HYDIN: variants seen among roughly 807,000 people sequenced by gnomAD.
HYDIN encodes axonemal central pair apparatus protein HYDIN.
HYDIN carries 132 observed loss-of-function variants against 403.9 expected under a neutral mutation model. The observed-to-expected ratio is 0.33, with a 90% CI of 0.28 to 0.38. The LOEUF (loss-of-function observed/expected upper bound fraction) is 0.38. Ranked by LOEUF, HYDIN falls within the 10% of genes least tolerant of loss-of-function variation. The pLI is 1.00. For synonymous variants in HYDIN, 1,202 were observed against 1,891.7 expected, an observed-to-expected ratio of 0.64 and a Z score of 9.46; for missense variants, 2,827 against 5,009.5, an observed-to-expected ratio of 0.56 and a Z score of 13.15.
At chr16:71,136,786 AAAAC>A (rs1456532960) in intron 8 of HYDIN, among the ~76,000 whole-genome samples, 6 of 151,550 alleles carry the variant, frequency 4.0e-5, no homozygotes, top group Non-Finnish European at 5.9e-5. Flanking sequence ...AAAAACAAAA[AAAAC>A]AAAAAAAAAA....
chr16:71,217,507 G>A (rs2088950151), intron 1 of HYDIN, among the ~76,000 whole-genome samples: 1 of 152,088 alleles, frequency 6.6e-6, no homozygotes. Context: ...ATCCACGAGT[G>A]GTGACCTCAA....
intron 29 of HYDIN, 70 bp from the exon 30 acceptor site, chr16:70,979,111 G>A (rs2078971030): frequency 2.3e-6 from 3 of 1,322,886 alleles, no homozygotes; most frequent in Non-Finnish European, 2.1e-6. Flanking sequence ...TATGAATGAT[G>A]TCGCAAACAC....
rs1028960236 is a variant in HYDIN, at chr16:71,161,555, C to T, written c.716+976G>A. Among the ~76,000 whole-genome samples, 6 of 152,290 alleles carry T rather than the reference C, an allele frequency of 3.9e-5. No homozygotes were observed. The South Asian group carries it at 6.2e-4, about 16-fold the overall frequency. On this transcript the variant is annotated intron_variant, in intron 6 of 85. Coordinates refer to ENST00000393567, the MANE Select transcript of HYDIN (RefSeq NM_001270974.2). Reference sequence around the variant, plus strand: ...GAAATGATGTGACCTCTCTATCCCTCGGTTTTCTCATCCTCCAAAGCCAGC... The same window carrying T: ...GAAATGATGTGACCTCTCTATCCCTTGGTTTTCTCATCCTCCAAAGCCAGC...
intron 12 of HYDIN, among the ~76,000 whole-genome samples, chr16:71,086,159 T>C (rs2082924710): frequency 6.6e-6 from 1 of 151,996 alleles, no homozygotes; most frequent in Non-Finnish European, 1.5e-5. Context: ...ACTGTATTTT[T>C]AAGTTTCTTT....
intron 6 of HYDIN, among the ~76,000 whole-genome samples, chr16:71,159,800 C>T (rs569489907): frequency 1.4e-3 from 216 of 151,844 alleles, no homozygotes; most frequent in African/African-American, 5.1e-3. Context: ...AATTGTTGGC[C>T]CAGAATTCTA....
intron 1 of HYDIN, among the ~76,000 whole-genome samples, chr16:71,215,213 AGAAG>A (rs2088817599): frequency 6.6e-6 from 1 of 152,004 alleles, no homozygotes; most frequent in Non-Finnish European, 1.5e-5. Context: ...AAGCAAGGAA[AGAAG>A]GGAGGAAGGG....
chr16:70,889,749 G>C (rs1231469433), intron 57 of HYDIN, 45 bp from the exon 58 acceptor site: 2 of 637,580 alleles, frequency 3.1e-6, no homozygotes, highest in Non-Finnish European at 5.6e-6. Context: ...TGGGGTCGGG[G>C]GTAACATTAG....
chr16:71,096,527 G>A (rs1276488249), intron 10 of HYDIN, among the ~76,000 whole-genome samples: 1 of 151,838 alleles, frequency 6.6e-6, no homozygotes, highest in Non-Finnish European at 1.5e-5. Flanking sequence ...GCATGCTTCA[G>A]TATTTTCAGA....
chr16:71,229,756 C>T (rs182238782), intron 1 of HYDIN, among the ~76,000 whole-genome samples: 1 of 152,310 alleles, frequency 6.6e-6, no homozygotes, highest in East Asian at 1.9e-4. Flanking sequence ...GGGGCATTGA[C>T]TACAATGAGG....
At chr16:70,946,279 T>C (rs2077857988) in intron 41 of HYDIN, among the ~76,000 whole-genome samples, 2 of 142,622 alleles carry the variant, frequency 1.4e-5, no homozygotes, top group Admixed American at 7.2e-5. Flanking sequence ...TTGCTGCAGC[T>C]TTCTTGGTGA....
At chr16:71,171,775 T>A (rs993981121) in intron 5 of HYDIN, among the ~76,000 whole-genome samples, 1 of 152,226 alleles carries the variant, frequency 6.6e-6, no homozygotes, top group African/African-American at 2.4e-5. Context: ...CACAAAAAGA[T>A]AATTGAGCCC....
At chr16:70,991,023 G>C (rs1051726682) in intron 25 of HYDIN, among the ~76,000 whole-genome samples, 4 of 152,208 alleles carry the variant, frequency 2.6e-5, no homozygotes, top group Admixed American at 2.6e-4. Context: ...CGTCATTCTA[G>C]AAGGAGAATT....
chr16:70,831,122 C>T (rs2036951192), intron 80 of HYDIN, among the ~76,000 whole-genome samples: 1 of 149,934 alleles, frequency 6.7e-6, no homozygotes, highest in Non-Finnish European at 1.5e-5. Flanking sequence ...TTTTTTTAGG[C>T]CAAGAAACTG....
intron 55 of HYDIN, 90 bp downstream of exon 55, chr16:70,894,359 A>T: frequency 1.3e-6 from 2 of 1,576,838 alleles, no homozygotes; most frequent in South Asian, 1.2e-5. Flanking sequence ...ACCCTATCGG[A>T]TTCAGGTTAC....
chr16:71,015,353 C>T (rs1288760065), intron 23 of HYDIN, among the ~76,000 whole-genome samples: 1 of 151,910 alleles, frequency 6.6e-6, no homozygotes, highest in Non-Finnish European at 1.5e-5. Flanking sequence ...TGGCCAAGTA[C>T]ATTTTCAAAA....
chr16:70,850,074 C>T (rs1024952412), intron 74 of HYDIN, 127 bp from the exon 75 acceptor site: 1 of 617,038 alleles, frequency 1.6e-6, no homozygotes, highest in African/African-American at 1.8e-5. Context: ...GGTGATTTGA[C>T]TATCTTTAGC....
At chr16:71,169,699 C>T (rs1193483619) in intron 5 of HYDIN, among the ~76,000 whole-genome samples, 1 of 151,978 alleles carries the variant, frequency 6.6e-6, no homozygotes, top group African/African-American at 2.4e-5. Context: ...TCAGAGGGTA[C>T]AAAATTTCAG....
chr16:71,020,365 G>A, intron 21 of HYDIN, 48 bp from the exon 22 acceptor site: 1 of 1,580,302 alleles, frequency 6.3e-7, no homozygotes, highest in South Asian at 1.2e-5. Context: ...GGTAAATACA[G>A]TAAGCTTTTA....
intron 30 of HYDIN, among the ~76,000 whole-genome samples, chr16:70,978,541 T>C (rs1239211599): frequency 2.0e-5 from 3 of 151,882 alleles, no homozygotes; most frequent in Non-Finnish European, 4.4e-5. Flanking sequence ...ACTCTCATCA[T>C]CCCCAAGTTC....
Sources: gnomAD v4.1 joint callset for allele counts (sites outside exome capture counted in the v4.1 genomes callset) on GRCh38, gnomAD v4.1.1 for gene constraint, MANE v1.5 for transcripts, NCBI Gene and HGNC (gene_info 2026-07-23, HGNC 2026-07-21) for gene names.